Variants in C6orf52 observed in about 807,000 individuals in gnomAD.
C6orf52 encodes the protein chromosome 6 open reading frame 52, also known as putative uncharacterized protein C6orf52.
Under a neutral mutation model 16.6 loss-of-function variants are expected in C6orf52, and 16 were observed. The ratio of observed to expected loss-of-function variants is 0.96; its 90% CI spans 0.65 to 1.46. The LOEUF is 1.46. Among genes scored for constraint, C6orf52 ranks in the 40% most tolerant of loss-of-function variants. The pLI, the probability that C6orf52 is intolerant of heterozygous loss-of-function variation, is 0.00. For synonymous variants in C6orf52, 53 were observed against 61.4 expected, an observed-to-expected ratio of 0.86 and a Z score of 0.64; for missense variants, 166 against 182.3, an observed-to-expected ratio of 0.91 and a Z score of 0.52.
At chr6:10,691,837 T>G (rs954464784) in intron 1 of C6orf52, among the ~76,000 whole-genome samples, 1 of 152,278 alleles carries the variant, frequency 6.6e-6, no homozygotes, top group African/African-American at 2.4e-5. Context: ...TTTTGGGGTT[T>G]TTTTTTCTTT....
chr6:10,688,781 T>C (rs1769052067), intron 1 of C6orf52, among the ~76,000 whole-genome samples: 1 of 152,194 alleles, frequency 6.6e-6, no homozygotes, highest in South Asian at 2.1e-4. Flanking sequence ...CAAGTTTTAC[T>C]TTTTGAAACT....
intron 1 of C6orf52, among the ~76,000 whole-genome samples, 197 bp downstream of exon 1, chr6:10,694,297 C>T (rs2069462562): frequency 6.6e-6 from 1 of 151,762 alleles, no homozygotes; most frequent in Non-Finnish European, 1.5e-5. Flanking sequence ...TCACTGCTCC[C>T]TCCCCAGGAG....
chr6:10,693,227 A>G (rs1769510310), intron 1 of C6orf52, among the ~76,000 whole-genome samples: 1 of 152,156 alleles, frequency 6.6e-6, no homozygotes, highest in African/African-American at 2.4e-5. Flanking sequence ...GGACAACCCA[A>G]AGGCGTAAGG....
At chr6:10,675,264 A>T (rs1581532251) in intron 4 of C6orf52, among the ~76,000 whole-genome samples, 1 of 152,094 alleles carries the variant, frequency 6.6e-6, no homozygotes, top group East Asian at 1.9e-4. Flanking sequence ...AAGATTCCAC[A>T]TGAGTGAAAT....
chr6:10,671,978 T>C (rs1044981637), intron 4 of C6orf52, among the ~76,000 whole-genome samples: 2 of 152,172 alleles, frequency 1.3e-5, no homozygotes, highest in African/African-American at 4.8e-5. Flanking sequence ...CAAGGGCCCC[T>C]TGGACAGGGG....
intron 4 of C6orf52, among the ~76,000 whole-genome samples, chr6:10,680,915 C>T (rs1768325105): frequency 6.6e-6 from 1 of 152,104 alleles, no homozygotes; most frequent in Admixed American, 6.6e-5. Context: ...ATCCTCCTAT[C>T]TCAGCCTCTC....
intron 4 of C6orf52, among the ~76,000 whole-genome samples, chr6:10,676,473 G>GC (rs1382531699): frequency 1.3e-5 from 2 of 152,218 alleles, no homozygotes. Flanking sequence ...ACATGCAAAT[G>GC]CCAGCAGTTG....
intron 1 of C6orf52, among the ~76,000 whole-genome samples, chr6:10,689,731 G>C (rs1311012310): frequency 6.6e-6 from 1 of 152,160 alleles, no homozygotes; most frequent in African/African-American, 2.4e-5. Context: ...AGCTATCTTG[G>C]ACTATGAGGT....
At chr6:10,682,378 A>G (rs1344085864) in intron 4 of C6orf52, among the ~76,000 whole-genome samples, 1 of 152,230 alleles carries the variant, frequency 6.6e-6, no homozygotes, top group African/African-American at 2.4e-5. Context: ...ACAACTGCTC[A>G]ACAGCATATA....
chr6:10,676,548 G>A (rs1044112016), intron 4 of C6orf52, among the ~76,000 whole-genome samples: 1 of 152,184 alleles, frequency 6.6e-6, no homozygotes, highest in African/African-American at 2.4e-5. Context: ...TCTTCTCTTT[G>A]CCAGCCACTT....
chr6:10,686,961 G>A lies in C6orf52; in HGVS notation c.270+5C>T. The A allele has an allele frequency of 6.5e-7, 1 of 1,532,932 alleles. No individual in the cohort carries two copies. 95.0% of individuals were successfully genotyped at this position (1,532,932 alleles called of 1,614,324 possible). A position where few individuals can be genotyped will look rare whatever the true frequency, so the allele number is the denominator to read the frequency against. The stretch of plus-strand genomic sequence containing the variant: ...TGACACAAGATTCATTCTAGCAAGG[G>A]ATACCTTAGGCATAACCAGAGTTCC... On this transcript the variant is annotated splice_donor_5th_base_variant and intron_variant, in intron 3 of 4. Transcript: ENST00000259983.
intron 1 of C6orf52, among the ~76,000 whole-genome samples, chr6:10,688,485 T>C (rs1296871075): frequency 6.6e-6 from 1 of 152,196 alleles, no homozygotes; most frequent in Non-Finnish European, 1.5e-5. Flanking sequence ...ATGCGAAAAA[T>C]AGCAAACATG....
At chr6:10,677,739 G>C (rs1285198751) in intron 4 of C6orf52, among the ~76,000 whole-genome samples, 1 of 151,596 alleles carries the variant, frequency 6.6e-6, no homozygotes, top group Non-Finnish European at 1.5e-5. Context: ...TCACCATGTT[G>C]ACCAGGCTGT....
At chr6:10,683,153 G>C (rs1166942604) in intron 4 of C6orf52, 34 bp downstream of exon 4, 1 of 1,457,658 alleles carries the variant, frequency 6.9e-7, no homozygotes, top group African/African-American at 1.4e-5. Context: ...ATGGGGTTTT[G>C]TTTCCAACCA....
chr6:10,694,001 G>A (rs1191012622), intron 1 of C6orf52, among the ~76,000 whole-genome samples: 1 of 152,172 alleles, frequency 6.6e-6, no homozygotes, highest in Non-Finnish European at 1.5e-5. Flanking sequence ...GCTCACGCCT[G>A]CAATCCCAGC....
In C6orf52 at chr6:10,686,991, G is replaced by GT; in HGVS notation, c.244dup (p.Thr82AsnfsTer9). 6.5e-7 allele frequency: 1 copy of GT among 1,550,098 alleles called. No individual in the cohort carries two copies. Among genetic ancestry groups the GT allele is most frequent in the Non-Finnish European group, 8.7e-7 (1 of 1,146,330 alleles). The stretch of plus-strand genomic sequence containing the variant: ...CTTAGGCATAACCAGAGTTCCAGCT[G>GT]TGTGTTCAGGGGTCTCATGCGCAGA... On this transcript the variant is annotated frameshift_variant, in exon 3 of 5. Coordinates refer to ENST00000259983, the MANE Select transcript of C6orf52 (RefSeq NM_001145020.3). LOFTEE classifies it high-confidence loss of function.
intron 4 of C6orf52, among the ~76,000 whole-genome samples, chr6:10,676,116 TG>T (rs1410428021): frequency 1.3e-5 from 2 of 151,758 alleles, no homozygotes; most frequent in African/African-American, 4.8e-5. Context: ...GACAACAGAG[TG>T]AGACTCACTC....
At chr6:10,690,076 T>A (rs1404994829) in intron 1 of C6orf52, among the ~76,000 whole-genome samples, 2 of 152,108 alleles carry the variant, frequency 1.3e-5, no homozygotes, top group East Asian at 3.9e-4. Flanking sequence ...AACGTGGAAG[T>A]TGAACATTGA....
At chr6:10,692,285 A>C (rs1373083836) in intron 1 of C6orf52, among the ~76,000 whole-genome samples, 1 of 152,220 alleles carries the variant, frequency 6.6e-6, no homozygotes, top group Non-Finnish European at 1.5e-5. Context: ...CTGCTTACTA[A>C]TACCTTGTCT....
Sources: allele counts gnomAD v4.1 joint callset (sites outside exome capture counted in the v4.1 genomes callset), GRCh38; gene constraint gnomAD v4.1.1; transcripts MANE v1.5; gene names NCBI Gene and HGNC (gene_info 2026-07-23, HGNC 2026-07-21).